ADAMTSL1: variants seen among roughly 807,000 people sequenced by gnomAD.
The protein encoded by ADAMTSL1 is ADAMTS-like protein 1.
ADAMTSL1 carries 126 observed loss-of-function variants against 201.8 expected under a neutral mutation model. The observed-to-expected ratio is 0.62, with a 90% CI of 0.54 to 0.72. ADAMTSL1 has a LOEUF of 0.72. Among genes scored for constraint, ADAMTSL1 ranks in the 30% least tolerant of loss-of-function variants. The probability of loss-of-function intolerance (pLI) is 0.00; values close to 1 mark genes in which losing one functional copy is unlikely to be tolerated. For synonymous variants in ADAMTSL1, 1,121 were observed against 903.4 expected, an observed-to-expected ratio of 1.24 and a Z score of -4.32; for missense variants, 2,679 against 2,277.8, an observed-to-expected ratio of 1.18 and a Z score of -3.59.
At chr9:17,950,726 C>T (rs191298227) in intron 1 of ADAMTSL1, among the ~76,000 whole-genome samples, 1 of 152,050 alleles carries the variant, frequency 6.6e-6, no homozygotes, top group East Asian at 1.9e-4. Context: ...TTATATCCGT[C>T]AGAGTCACAA....
intron 2 of ADAMTSL1, among the ~76,000 whole-genome samples, chr9:18,212,353 C>T (rs1829909779): frequency 6.6e-6 from 1 of 152,070 alleles, no homozygotes; most frequent in African/African-American, 2.4e-5. Context: ...GACAAAATTC[C>T]AAGTGTGTCC....
chr9:18,627,541 C>T (rs1826469393), intron 5 of ADAMTSL1, among the ~76,000 whole-genome samples: 2 of 152,208 alleles, frequency 1.3e-5, no homozygotes, highest in South Asian at 4.1e-4. Context: ...GCTCTGGAAG[C>T]ATTGAGGGAG....
In ADAMTSL1 at chr9:18,222,067, A is replaced by C. The variant is rs147747666; in HGVS notation, c.207+58086A>C. On this transcript the variant is annotated intron_variant, in intron 2 of 29. Transcript: ENST00000680146. ...ATCCCTAGTAATAATTTTGCCTTGA[A>C]TTCTATTTTATTCCATATTAAAATG... 7.2e-3 allele frequency among the ~76,000 whole-genome samples: 1,090 copies of C among 152,086 alleles called. 12 individuals carry two copies. The highest frequency in any genetic ancestry group is 0.025 in the African/African-American group (1,048 of 41,548).
chr9:18,010,888 ATAGT>A (rs1321128277), intron 1 of ADAMTSL1, among the ~76,000 whole-genome samples: 1 of 152,092 alleles, frequency 6.6e-6, no homozygotes, highest in African/African-American at 2.4e-5. Flanking sequence ...ATCCTGATAT[ATAGT>A]TACTTTGTGC....
intron 2 of ADAMTSL1, among the ~76,000 whole-genome samples, chr9:18,305,126 C>T (rs184535653): frequency 4.6e-5 from 7 of 152,278 alleles, no homozygotes; most frequent in African/African-American, 1.7e-4. Context: ...CTCTCCTAGA[C>T]AAGGGAAGCC....
intron 1 of ADAMTSL1, among the ~76,000 whole-genome samples, chr9:18,063,104 G>A (rs946408568): frequency 3.3e-5 from 5 of 152,188 alleles, no homozygotes; most frequent in African/African-American, 1.2e-4. Context: ...TGAAATGGGA[G>A]GATTGCTTGA....
intron 2 of ADAMTSL1, among the ~76,000 whole-genome samples, chr9:18,169,276 T>C (rs1235085621): frequency 3.9e-5 from 6 of 152,066 alleles, no homozygotes; most frequent in Non-Finnish European, 8.8e-5. Context: ...ATTTAAGTCT[T>C]TAATCCATCT....
intron 2 of ADAMTSL1, among the ~76,000 whole-genome samples, chr9:18,176,939 T>G (rs10120328): frequency 5.3e-5 from 8 of 152,032 alleles, no homozygotes; most frequent in Admixed American, 2.6e-4. Flanking sequence ...CAGTTACATA[T>G]GAAGCAGGTT....
intron 1 of ADAMTSL1, among the ~76,000 whole-genome samples, chr9:17,917,815 G>A (rs770056296): frequency 6.6e-5 from 10 of 151,922 alleles, no homozygotes; most frequent in Non-Finnish European, 8.8e-5. Context: ...TTTATTTGGT[G>A]TGAGAACTGT....
chr9:18,721,496 C>A (rs1833369084), intron 14 of ADAMTSL1, 40 bp from the exon 15 acceptor site: 3 of 1,606,250 alleles, frequency 1.9e-6, no homozygotes, highest in Middle Eastern at 3.5e-4. Flanking sequence ...ACACACACAC[C>A]CACTTTGCAC....
At chr9:18,890,616 A>ATATC (rs1232559264) in intron 25 of ADAMTSL1, 2 of 455,732 alleles carry the variant, frequency 4.4e-6, no homozygotes, top group Non-Finnish European at 8.8e-6. Context: ...ATGCTCATTA[A>ATATC]TATCAGCAGT....
intron 2 of ADAMTSL1, among the ~76,000 whole-genome samples, chr9:18,262,304 A>T (rs1225127118): frequency 2.0e-5 from 3 of 152,216 alleles, no homozygotes; most frequent in Middle Eastern, 3.2e-3. Context: ...CTTATAAAGG[A>T]TGCAGTGCCC....
intron 13 of ADAMTSL1, among the ~76,000 whole-genome samples, chr9:18,697,557 A>T (rs1421492431): frequency 2.0e-5 from 3 of 152,230 alleles, no homozygotes; most frequent in African/African-American, 7.2e-5. Context: ...CAACAATGTC[A>T]TAATGAGTTG....
intron 1 of ADAMTSL1, among the ~76,000 whole-genome samples, chr9:17,914,216 CA>C (rs1825998133): frequency 6.6e-6 from 1 of 151,878 alleles, no homozygotes; most frequent in South Asian, 2.1e-4. Context: ...GAGACACAAC[CA>C]AAAAAGAGAA....
At chr9:17,991,711 C>G (rs1377597833) in intron 1 of ADAMTSL1, among the ~76,000 whole-genome samples, 2 of 152,152 alleles carry the variant, frequency 1.3e-5, no homozygotes, top group African/African-American at 2.4e-5. Context: ...GTCCCTCTCC[C>G]ATGCCAGGTG....
chr9:17,947,227 C>G (rs959174456), intron 1 of ADAMTSL1, among the ~76,000 whole-genome samples: 1 of 150,848 alleles, frequency 6.6e-6, no homozygotes, highest in Non-Finnish European at 1.5e-5. Context: ...GTCTGTTAAA[C>G]TGTGGTATGT....
At chr9:18,818,982 T>A (rs1824034231) in intron 21 of ADAMTSL1, among the ~76,000 whole-genome samples, 2 of 152,122 alleles carry the variant, frequency 1.3e-5, no homozygotes, top group South Asian at 4.1e-4. Context: ...GGGGTTGGCA[T>A]GAATGAGCTA....
At chr9:18,890,721 A>ACCCCCCC (rs138297620) in intron 25 of ADAMTSL1, 4 of 342,222 alleles carry the variant, frequency 1.2e-5, no homozygotes, top group Non-Finnish European at 2.3e-5. Context: ...CCTTTCTCAA[A>ACCCCCCC]CCCCCCCCAC....
chr9:17,957,276 C>A (rs1326209225), intron 1 of ADAMTSL1, among the ~76,000 whole-genome samples: 1 of 152,158 alleles, frequency 6.6e-6, no homozygotes, highest in African/African-American at 2.4e-5. Flanking sequence ...TTGGAGTTGA[C>A]TCCCCAGAAT....
Sources: allele counts gnomAD v4.1 joint callset (sites outside exome capture counted in the v4.1 genomes callset), GRCh38; gene constraint gnomAD v4.1.1; transcripts MANE v1.5; gene names NCBI Gene and HGNC (gene_info 2026-07-23, HGNC 2026-07-21).